The following SSBP3 variants were observed in gnomAD, a reference collection of about 807,000 sequenced individuals.
SSBP3 encodes the protein single-stranded DNA-binding protein 3.
SSBP3 carries 5 observed loss-of-function variants against 69.6 expected under a neutral mutation model. The observed-to-expected ratio is 0.07, with a 90% CI of 0.04 to 0.15. The LOEUF (loss-of-function observed/expected upper bound fraction) is 0.15. Among genes scored for constraint, SSBP3 ranks in the 10% least tolerant of loss-of-function variants. SSBP3 has a pLI of 1.00. For synonymous variants in SSBP3, 196 were observed against 193.4 expected (o/e 1.01, Z -0.11); for missense variants, 312 against 534.0 (o/e 0.58, Z 4.10).
chr1:54,402,214 T>C (rs1365846743), intron 3 of SSBP3, among the ~76,000 whole-genome samples: 1 of 152,260 alleles, frequency 6.6e-6, no homozygotes, highest in Non-Finnish European at 1.5e-5. Context: ...GTGTCTACCA[T>C]ATACTGTAAG....
intron 4 of SSBP3, among the ~76,000 whole-genome samples, chr1:54,343,511 C>T (rs1332305160): frequency 2.0e-5 from 3 of 152,244 alleles, no homozygotes; most frequent in Non-Finnish European, 4.4e-5. Flanking sequence ...GCCATGCCAG[C>T]TGTCCAGGCC....
chr1:54,311,180 G>A (rs1645995911), intron 4 of SSBP3, among the ~76,000 whole-genome samples: 1 of 152,214 alleles, frequency 6.6e-6, no homozygotes, highest in South Asian at 2.1e-4. Context: ...GGGCAGCAGA[G>A]GGAAGGTCTG....
chr1:54,394,995 G>A (rs985558765), intron 4 of SSBP3, among the ~76,000 whole-genome samples: 4 of 150,848 alleles, frequency 2.7e-5, no homozygotes, highest in African/African-American at 7.3e-5. Context: ...GAGCCACCGC[G>A]CCCGGCTAAG....
chr1:54,276,596 G>C (rs900217270), intron 5 of SSBP3, among the ~76,000 whole-genome samples: 5 of 100,438 alleles, frequency 5.0e-5, no homozygotes, highest in Non-Finnish European at 7.0e-5. Context: ...GTGACAGAGT[G>C]AGACTCTGTC....
intron 4 of SSBP3, among the ~76,000 whole-genome samples, chr1:54,289,386 T>TG (rs1645564216): frequency 1.2e-5 from 1 of 86,214 alleles, no homozygotes; most frequent in African/African-American, 4.3e-5. Context: ...AGAAACAAGG[T>TG]GGGGGGTGGG....
chr1:54,291,499 C>T (rs993551816), intron 4 of SSBP3, among the ~76,000 whole-genome samples: 21 of 152,206 alleles, frequency 1.4e-4, no homozygotes, highest in African/African-American at 3.1e-4. Flanking sequence ...CACACGGGTT[C>T]GGCGCTGAGC....
intron 4 of SSBP3, among the ~76,000 whole-genome samples, chr1:54,282,623 C>A (rs991375086): frequency 6.6e-6 from 1 of 152,226 alleles, no homozygotes; most frequent in African/African-American, 2.4e-5. Context: ...TGCCTGGCCC[C>A]GTGCTCACAC....
At chr1:54,273,663 T>C (rs745730564) in intron 5 of SSBP3, among the ~76,000 whole-genome samples, 33 of 152,160 alleles carry the variant, frequency 2.2e-4, no homozygotes, top group Non-Finnish European at 1.2e-4. Flanking sequence ...CCCGGACCCA[T>C]GTGCTTCCAA....
At chr1:54,257,239 A>G in intron 6 of SSBP3, 53 bp from the exon 7 acceptor site, 1 of 1,479,252 alleles carries the variant, frequency 6.8e-7, no homozygotes, top group South Asian at 1.3e-5. Flanking sequence ...GCACAGTGAC[A>G]AACACAAATG....
At chr1:54,381,061 G>C (rs1298841707) in intron 4 of SSBP3, among the ~76,000 whole-genome samples, 24 of 151,992 alleles carry the variant, frequency 1.6e-4, no homozygotes, top group Admixed American at 1.5e-3. Flanking sequence ...CTCCAGCCTG[G>C]GTGACAAGGT....
chr1:54,279,659 T>C (rs531659234), intron 5 of SSBP3, among the ~76,000 whole-genome samples: 1 of 152,300 alleles, frequency 6.6e-6, no homozygotes, highest in African/African-American at 2.4e-5. Context: ...ATCCATGGCA[T>C]GTGAGCCTAG....
At chr1:54,262,295 T>C (rs1038600355) in intron 5 of SSBP3, among the ~76,000 whole-genome samples, 10 of 152,198 alleles carry the variant, frequency 6.6e-5, no homozygotes, top group Non-Finnish European at 1.3e-4. Flanking sequence ...CACTCCAGGA[T>C]TGCATAGCTA....
chr1:54,327,861 C>T (rs180864784), intron 4 of SSBP3, among the ~76,000 whole-genome samples: 1 of 152,198 alleles, frequency 6.6e-6, no homozygotes, highest in Non-Finnish European at 1.5e-5. Context: ...ATCCCAGGCA[C>T]GCTCTAGCTG....
At chr1:54,404,675 A>T (rs1482274366) in intron 2 of SSBP3, 38 bp from the exon 3 acceptor site, 1 of 1,612,658 alleles carries the variant, frequency 6.2e-7, no homozygotes, top group Non-Finnish European at 8.5e-7. Flanking sequence ...AGAGGAGCAG[A>T]GACGGGGTGG....
At chr1:54,398,792 C>T (rs917283651) in intron 4 of SSBP3, among the ~76,000 whole-genome samples, 1 of 152,068 alleles carries the variant, frequency 6.6e-6, no homozygotes, top group Non-Finnish European at 1.5e-5. Flanking sequence ...CAGAAAAGTC[C>T]ACTCCAGATG....
intron 5 of SSBP3, among the ~76,000 whole-genome samples, chr1:54,262,300 T>C (rs112931516): frequency 1.1e-4 from 16 of 152,310 alleles, no homozygotes; most frequent in African/African-American, 2.4e-4. Flanking sequence ...CAGGATTGCA[T>C]AGCTATTACG....
At chr1:54,355,151 C>T (rs1208306037) in intron 4 of SSBP3, among the ~76,000 whole-genome samples, 1 of 152,232 alleles carries the variant, frequency 6.6e-6, no homozygotes, top group Non-Finnish European at 1.5e-5. Flanking sequence ...CTGCCACATG[C>T]GGCGTCCAAC....
chr1:54,374,927 A>G (rs140215623), intron 4 of SSBP3, among the ~76,000 whole-genome samples: 15 of 152,368 alleles, frequency 9.8e-5, no homozygotes, highest in African/African-American at 3.6e-4. Flanking sequence ...GCCAGGGGCC[A>G]GAGAGGGGGA....
chr1:54,271,425 T>A (rs982251519), intron 5 of SSBP3, among the ~76,000 whole-genome samples: 19 of 152,152 alleles, frequency 1.2e-4, no homozygotes, highest in African/African-American at 4.6e-4. Flanking sequence ...TAGGTTTATA[T>A]GTATAGTCAA....
Sources: gnomAD v4.1 joint callset for allele counts (sites outside exome capture counted in the v4.1 genomes callset) on GRCh38, gnomAD v4.1.1 for gene constraint, MANE v1.5 for transcripts, NCBI Gene and HGNC (gene_info 2026-07-23, HGNC 2026-07-21) for gene names.